RGPD4: variants seen among roughly 807,000 people sequenced by gnomAD.
RGPD4 encodes RANBP2 like and GRIP domain containing 4.
RGPD4 carries 84 observed loss-of-function variants against 141.1 expected under a neutral mutation model. The ratio of observed to expected loss-of-function variants is 0.60; its 90% confidence interval spans 0.50 to 0.71. The LOEUF is 0.71. Among genes scored for constraint, RGPD4 ranks in the 30% least tolerant of loss-of-function variants. The pLI, the probability that RGPD4 is intolerant of heterozygous loss-of-function variation, is 0.00. For missense variants in RGPD4, 918 were observed against 1,622.4 expected (o/e 0.57, Z 7.46); for synonymous variants, 298 against 566.8 (o/e 0.53, Z 6.74).
intron 1 of RGPD4, among the ~76,000 whole-genome samples, chr2:107,832,441 T>TTTTG (rs1201428647): frequency 1.3e-5 from 2 of 150,386 alleles, no homozygotes; most frequent in Admixed American, 6.6e-5. Flanking sequence ...TGAGAGGTTT[T>TTTTG]TTTGTTTGTT....
At chr2:107,827,747 G>C (rs1558784562) in intron 1 of RGPD4, among the ~76,000 whole-genome samples, 3 of 44,632 alleles carry the variant, frequency 6.7e-5, no homozygotes, top group African/African-American at 1.2e-4. Flanking sequence ...AGGCGTCATG[G>C]CTCCTGACGG....
chr2:107,885,704 T>G (rs1675491955), intron 22 of RGPD4, among the ~76,000 whole-genome samples: 1 of 152,134 alleles, frequency 6.6e-6, no homozygotes, highest in Non-Finnish European at 1.5e-5. Context: ...TTATTACAAT[T>G]AAAAACAATG....
In RGPD4 at chr2:107,891,828, C is replaced by T. The variant is rs1319369519; in HGVS notation, c.*1097C>T. Among the ~76,000 whole-genome samples, 2 of 129,898 alleles carry T rather than the reference C, an allele frequency of 1.5e-5. No individual in the cohort carries two copies. The highest frequency in any genetic ancestry group is 2.8e-5 in the African/African-American group (1 of 35,602). The allele number at this position is 129,898 out of a possible 152,430, so 85.2% of individuals were successfully genotyped here. A position where few individuals can be genotyped will look rare whatever the true frequency, so the allele number is the denominator to read the frequency against. On this transcript the variant is annotated 3_prime_UTR_variant, in exon 23 of 23. Transcript: ENST00000408999. Reference sequence around the variant, plus strand: ...GGCAGATAGTGTTCCATAAGCTTTCCATCAGAAGGGATTTTAGACACCTTA... The same window carrying T: ...GGCAGATAGTGTTCCATAAGCTTTCTATCAGAAGGGATTTTAGACACCTTA...
In RGPD4 at chr2:107,858,021, G is replaced by T. The variant is rs1016293706; in HGVS notation, c.1276+1052G>T. 1.4e-4 allele frequency among the ~76,000 whole-genome samples: 21 copies of T among 151,938 alleles called. 2 individuals carry two copies. Among genetic ancestry groups the T allele is most frequent in the African/African-American group, 4.9e-4 (20 of 41,218 alleles). On this transcript the variant is annotated intron_variant, in intron 9 of 22. Coordinates refer to ENST00000408999, the MANE Select transcript of RGPD4 (RefSeq NM_182588.3). ...AAAAGTGTTGGAATTATAGGCATGA[G>T]CCACTGCATCTGGCCATATTTTTCA... is the stretch of plus-strand genomic sequence containing the variant.
intron 1 of RGPD4, among the ~76,000 whole-genome samples, chr2:107,827,564 T>C (rs1681260503): frequency 2.1e-5 from 1 of 47,508 alleles, no homozygotes; most frequent in Non-Finnish European, 4.1e-5. Flanking sequence ...CGCTGCTCCC[T>C]GGCGCGCTCT....
chr2:107,878,256 C>A (rs1683148396), intron 20 of RGPD4, among the ~76,000 whole-genome samples: 2 of 151,596 alleles, frequency 1.3e-5, no homozygotes, highest in Admixed American at 1.3e-4. Context: ...AGATTTTGAA[C>A]AATCTCACAC....
rs780035878 is a variant in RGPD4, at chr2:107,882,697, T to C, written c.5090T>C (p.Leu1697Ser). 1.9e-6 allele frequency: 3 copies of C among 1,611,350 alleles called. No homozygotes were observed. Residue 1697 changes from leucine (L) to serine (S), a missense_variant, in exon 22 of 23, where the codon TTG (leucine) becomes TCG (serine). Leu to Ser is a moderately radical substitution (Grantham distance 145, BLOSUM62 -2). Coordinates refer to ENST00000408999, the MANE Select transcript of RGPD4 (RefSeq NM_182588.3). ...CTTCTCAAAAGTGAAATAAGAAGAT[T>C]GGAAAGGAATCAAGAGCAAGAGGAG... is the stretch of plus-strand genomic sequence containing the variant. ...IKLLKSEIRR[L>S]ERNQEQEESA... is the part of the protein sequence containing the mutation.
chr2:107,877,994 G>T (rs1234272926), intron 20 of RGPD4, among the ~76,000 whole-genome samples: 1 of 151,212 alleles, frequency 6.6e-6, no homozygotes, highest in African/African-American at 2.4e-5. Context: ...TGCATTTTTA[G>T]TAGAGATAGG....
intron 8 of RGPD4, among the ~76,000 whole-genome samples, chr2:107,855,470 C>T (rs984231252): frequency 1.3e-5 from 2 of 151,920 alleles, no homozygotes; most frequent in Non-Finnish European, 2.9e-5. Context: ...CTCATAAGTG[C>T]CTTTGCGTGG....
chr2:107,880,225 T>G, intron 21 of RGPD4, 118 bp downstream of exon 21: 1 of 1,358,818 alleles, frequency 7.4e-7, no homozygotes. Flanking sequence ...CGTCTTGATC[T>G]TTATATTAGA....
intron 22 of RGPD4, among the ~76,000 whole-genome samples, chr2:107,884,263 A>G (rs1216164592): frequency 3.9e-5 from 6 of 152,032 alleles, no homozygotes; most frequent in African/African-American, 1.2e-4. Flanking sequence ...GATGCACGCC[A>G]GCTAATTTTT....
rs1283635029 is a variant in RGPD4, at chr2:107,891,206, C to A, written c.*475C>A. Among the ~76,000 whole-genome samples, 8 of 139,218 alleles carry A rather than the reference C, an allele frequency of 5.7e-5. No homozygotes were observed. Among genetic ancestry groups the A allele is most frequent in the African/African-American group, 2.3e-4 (8 of 34,120 alleles). 91.3% of individuals were successfully genotyped at this position (139,218 alleles called of 152,430 possible). On this transcript the variant is annotated 3_prime_UTR_variant, in exon 23 of 23. Coordinates refer to ENST00000408999, the MANE Select transcript of RGPD4 (RefSeq NM_182588.3). ...GGTGTGGTGATTCATGCCTGAAATC[C>A]CACTACTTTGGGAGGCTGAGGCTGG... is the stretch of plus-strand genomic sequence containing the variant.
chr2:107,890,771 AGTT>A lies in RGPD4; in HGVS notation c.*42_*44del, dbSNP rs1372282303. ...TTCTGGATGGGCATCCTATCTTCGTAGTTGGTTTGGACTTCGATAGGTTGATGG... is the reference window on the plus strand; with the variant it reads ...TTCTGGATGGGCATCCTATCTTCGTAGGTTTGGACTTCGATAGGTTGATGG... On this transcript the variant is annotated 3_prime_UTR_variant, in exon 23 of 23. Coordinates refer to ENST00000408999, the MANE Select transcript of RGPD4 (RefSeq NM_182588.3). 2 of 1,602,136 alleles carry A rather than the reference AGTT, an allele frequency of 1.2e-6. No homozygotes were observed. The highest frequency in any genetic ancestry group is 1.7e-6 in the Non-Finnish European group (2 of 1,176,130).
intron 6 of RGPD4, among the ~76,000 whole-genome samples, chr2:107,845,616 A>T (rs1259839404): frequency 1.3e-5 from 2 of 152,262 alleles, no homozygotes; most frequent in Non-Finnish European, 2.9e-5. Context: ...TCAGTTAATC[A>T]GGACTCATGG....
Position 107,882,811 on chromosome 2 carries a change from T to G in RGPD4, c.5204T>G (p.Val1735Gly), listed in dbSNP as rs1364938328. The change falls in exon 22 of 23, where the codon GTT (valine) becomes GGT (glycine). Residue 1735 changes from valine to glycine, a missense_variant. By Grantham distance (109) the Val-to-Gly change is moderately radical. Transcript: ENST00000408999. ...PGSERERLLP[V>G]INTMLQLSPE... ...AGTGAAAGAGAGAGACTTCTTCCTG[T>G]TATAAATACGATGTTGCAGCTCAGC... The G allele has an allele frequency of 1.9e-6, 3 of 1,611,128 alleles. No individual in the cohort carries two copies. Among genetic ancestry groups the G allele is most frequent in the Middle Eastern group, 4.5e-4 (2 of 4,430 alleles).
Position 107,861,733 on chromosome 2 carries a change from T to A in RGPD4, c.2198T>A (p.Val733Asp). The A allele has an allele frequency of 1.3e-6, 2 of 1,579,630 alleles. No homozygotes were observed. Among genetic ancestry groups the A allele is most frequent in the Non-Finnish European group, 1.7e-6 (2 of 1,162,884 alleles). ...GACAGTGATTCAAATCTTTCAGTGG[T>A]CAAGAAAGTAAGTAGCAGGTTGTTG... Reference protein sequence around the residue: ...LDDSDSNLSVVKKLPVPLESV... With the variant: ...LDDSDSNLSVDKKLPVPLESV... The change falls in exon 15 of 23, where the codon GTC (valine) becomes GAC (aspartate). Residue 733 changes from valine (V) to aspartate (D), a missense_variant. Transcript: ENST00000408999.
chr2:107,857,925 G>T (rs1218288080), intron 9 of RGPD4, among the ~76,000 whole-genome samples: 3 of 151,978 alleles, frequency 2.0e-5, no homozygotes, highest in Non-Finnish European at 4.4e-5. Flanking sequence ...GGAGGTGGAG[G>T]TTGCAGTGAG....
In RGPD4 at chr2:107,890,915, C is replaced by T. The variant is rs1675640606; in HGVS notation, c.*184C>T. On this transcript the variant is annotated 3_prime_UTR_variant, in exon 23 of 23. Coordinates refer to ENST00000408999, the MANE Select transcript of RGPD4 (RefSeq NM_182588.3). ...TTTGCATTTACATATATTTGTACAT[C>T]TATATGACAGATGTATTTTAAAAGT... The T allele has an allele frequency of 1.5e-6, 1 of 647,928 alleles. No homozygotes were observed. Among genetic ancestry groups the T allele is most frequent in the East Asian group, 2.8e-5 (1 of 35,618 alleles). 40.1% of individuals were successfully genotyped at this position (647,928 alleles called of 1,614,324 possible).
At chr2:107,857,681 T>A (rs1356224292) in intron 9 of RGPD4, among the ~76,000 whole-genome samples, 2 of 151,854 alleles carry the variant, frequency 1.3e-5, no homozygotes, top group Non-Finnish European at 2.9e-5. Context: ...GTGATCCTCC[T>A]GCCTAAGCCC....
Sources: allele counts gnomAD v4.1 joint callset (sites outside exome capture counted in the v4.1 genomes callset), GRCh38; gene constraint gnomAD v4.1.1; transcripts MANE v1.5; gene names NCBI Gene and HGNC (gene_info 2026-07-23, HGNC 2026-07-21).